Variants in THADA observed in about 807,000 individuals in gnomAD.
THADA encodes the protein tRNA (32-2'-O)-methyltransferase regulator THADA.
In THADA, 213 loss-of-function variants were observed where a neutral mutation model predicts 219.8. That is an observed-to-expected ratio of 0.97 (90% confidence interval 0.87 to 1.09). THADA has a LOEUF of 1.09. Among genes scored for constraint, THADA ranks in the 50% least tolerant of loss-of-function variants. THADA has a pLI of 0.00. For synonymous variants in THADA, 1,018 were observed against 828.9 expected (o/e 1.23, Z -3.92); for missense variants, 2,956 against 2,311.3 (o/e 1.28, Z -5.72).
At chr2:43,310,582 T>C (rs972796171) in intron 31 of THADA, among the ~76,000 whole-genome samples, 124 of 152,298 alleles carry the variant, frequency 8.1e-4, no homozygotes, top group Non-Finnish European at 1.6e-3. Flanking sequence ...CTATCAGATA[T>C]AAAAATTAAC....
chr2:43,273,270 CAA>C (rs978782406), intron 36 of THADA, among the ~76,000 whole-genome samples: 29 of 115,842 alleles, frequency 2.5e-4, no homozygotes, highest in Admixed American at 7.1e-4. Flanking sequence ...ACAACAACAA[CAA>C]AAAAAAAAAA....
At chr2:43,452,682 T>G (rs929023587) in intron 26 of THADA, among the ~76,000 whole-genome samples, 2 of 152,208 alleles carry the variant, frequency 1.3e-5, no homozygotes, top group Non-Finnish European at 2.9e-5. Flanking sequence ...GTTCCTCACC[T>G]GAGCTTCTAC....
chr2:43,545,268 C>T (rs1026133072), intron 20 of THADA, among the ~76,000 whole-genome samples: 7 of 151,390 alleles, frequency 4.6e-5, no homozygotes, highest in Non-Finnish European at 5.9e-5. Flanking sequence ...CTGCTGGATT[C>T]GGTTTGCCAG....
At chr2:43,309,785 G>A (rs1677276888) in intron 31 of THADA, among the ~76,000 whole-genome samples, 1 of 152,106 alleles carries the variant, frequency 6.6e-6, no homozygotes, top group African/African-American at 2.4e-5. Context: ...ACACTGTATT[G>A]GAGGTTCTAG....
At chr2:43,250,486 TGTAAAA>T in intron 36 of THADA, among the ~76,000 whole-genome samples, 1 of 152,270 alleles carries the variant, frequency 6.6e-6, no homozygotes, top group South Asian at 2.1e-4. Context: ...TGCACACGAC[TGTAAAA>T]GTACTAAACG....
At chr2:43,478,802 C>T (rs1387767331) in intron 26 of THADA, among the ~76,000 whole-genome samples, 3 of 152,152 alleles carry the variant, frequency 2.0e-5, no homozygotes, top group Non-Finnish European at 2.9e-5. Context: ...TTTTGAAGAA[C>T]TTCTTTTCAG....
At chr2:43,357,174 C>A (rs1271703098) in intron 29 of THADA, among the ~76,000 whole-genome samples, 1 of 151,978 alleles carries the variant, frequency 6.6e-6, no homozygotes, top group Non-Finnish European at 1.5e-5. Context: ...TCCAAATAGC[C>A]AATAAATGTA....
intron 29 of THADA, among the ~76,000 whole-genome samples, chr2:43,369,092 G>A (rs979927660): frequency 4.6e-5 from 7 of 152,148 alleles, no homozygotes; most frequent in South Asian, 2.1e-4. Context: ...CTCTGCCCTC[G>A]TTTCCCACAA....
intron 28 of THADA, among the ~76,000 whole-genome samples, chr2:43,426,304 G>A (rs1474847262): frequency 1.3e-5 from 2 of 152,152 alleles, no homozygotes; most frequent in African/African-American, 4.8e-5. Flanking sequence ...AGGATGCAAT[G>A]AACAACAGAC....
intron 4 of THADA, among the ~76,000 whole-genome samples, chr2:43,589,467 G>A (rs1701330066): frequency 6.6e-6 from 1 of 152,204 alleles, no homozygotes; most frequent in African/African-American, 2.4e-5. Context: ...AGGAAATGGA[G>A]AGTTGTTACT....
At chr2:43,297,428 A>G (rs1422044641) in intron 31 of THADA, among the ~76,000 whole-genome samples, 3 of 84,096 alleles carry the variant, frequency 3.6e-5, no homozygotes, top group Middle Eastern at 6.2e-3. Flanking sequence ...CCCGGCAGCC[A>G]CCCCGTCCGG....
chr2:43,280,084 G>T (rs1673168493), intron 35 of THADA, among the ~76,000 whole-genome samples, 188 bp from the exon 36 acceptor site: 1 of 152,176 alleles, frequency 6.6e-6, no homozygotes, highest in African/African-American at 2.4e-5. Flanking sequence ...TAAGGGAGCA[G>T]ATTTGGAAAT....
At position 43,552,410 on chromosome 2, in the gene THADA, T is replaced by C. The variant is rs1043479416; in HGVS notation, c.2675-71A>G. On this transcript the variant is annotated intron_variant, in intron 17 of 37. Coordinates refer to ENST00000405975, the MANE Select transcript of THADA (RefSeq NM_022065.5). The stretch of plus-strand genomic sequence containing the variant: ...ATTTGTAAATGTACGAACAGCAAAA[T>C]AGTTCCCATTAATATGGCCAACTCA... The C allele has an allele frequency of 8.8e-6, 13 of 1,471,380 alleles. No homozygotes were observed. The African/African-American group carries it at 9.9e-5, about 11-fold the overall frequency. The allele number at this position is 1,471,380 out of a possible 1,614,324, so 91.1% of individuals were successfully genotyped here.
intron 36 of THADA, among the ~76,000 whole-genome samples, chr2:43,253,846 C>G (rs1198886122): frequency 6.6e-6 from 1 of 152,116 alleles, no homozygotes; most frequent in Non-Finnish European, 1.5e-5. Context: ...AAAATCTTTA[C>G]TGGTTCTCTG....
intron 31 of THADA, among the ~76,000 whole-genome samples, chr2:43,296,266 G>C (rs1271633013): frequency 1.3e-5 from 2 of 150,828 alleles, no homozygotes; most frequent in Non-Finnish European, 3.0e-5. Context: ...CTCACCAGGA[G>C]GCATCTTTTT....
chr2:43,316,806 A>C (rs1351959695), intron 31 of THADA, among the ~76,000 whole-genome samples: 1 of 152,192 alleles, frequency 6.6e-6, no homozygotes, highest in Non-Finnish European at 1.5e-5. Flanking sequence ...ACATGCCTGT[A>C]ATCCCAGCTA....
intron 26 of THADA, among the ~76,000 whole-genome samples, chr2:43,482,012 G>A (rs535209659): frequency 2.6e-5 from 4 of 152,270 alleles, no homozygotes; most frequent in African/African-American, 9.6e-5. Context: ...TAAGAAATGA[G>A]GAGCTATGAA....
intron 29 of THADA, among the ~76,000 whole-genome samples, chr2:43,368,979 C>T (rs1302030669): frequency 6.6e-6 from 1 of 152,182 alleles, no homozygotes; most frequent in Non-Finnish European, 1.5e-5. Flanking sequence ...CTGCCCCTAT[C>T]TTTTAGGATG....
intron 31 of THADA, among the ~76,000 whole-genome samples, chr2:43,303,869 T>C (rs1676543239): frequency 6.6e-6 from 1 of 152,070 alleles, no homozygotes; most frequent in African/African-American, 2.4e-5. Context: ...TCACCCCAAG[T>C]TTCTAATTTC....
Sources: allele counts gnomAD v4.1 joint callset (sites outside exome capture counted in the v4.1 genomes callset), GRCh38; gene constraint gnomAD v4.1.1; transcripts MANE v1.5; gene names NCBI Gene and HGNC (gene_info 2026-07-23, HGNC 2026-07-21).